Variants in FAM13A observed in about 807,000 individuals in gnomAD.
FAM13A encodes protein FAM13A.
Under a neutral mutation model 129.6 loss-of-function variants are expected in FAM13A, and 76 were observed. The ratio of observed to expected loss-of-function variants is 0.59; its 90% CI spans 0.49 to 0.71. The LOEUF (loss-of-function observed/expected upper bound fraction) is 0.71. Among genes scored for constraint, FAM13A ranks in the 30% least tolerant of loss-of-function variants. The probability of loss-of-function intolerance (pLI) is 0.00; values close to 1 mark genes in which losing one functional copy is unlikely to be tolerated. For missense variants in FAM13A, 1,108 were observed against 1,249.3 expected (o/e 0.89, Z 1.70); for synonymous variants, 443 against 449.9 (o/e 0.98, Z 0.20).
At chr4:88,795,138 C>T (rs1329809245) in intron 8 of FAM13A, among the ~76,000 whole-genome samples, 1 of 151,760 alleles carries the variant, frequency 6.6e-6, no homozygotes, top group Non-Finnish European at 1.5e-5. Flanking sequence ...CCTTTTGCAT[C>T]ATTACAGACA....
intron 2 of FAM13A, among the ~76,000 whole-genome samples, chr4:89,025,305 C>T (rs1002646993): frequency 9.0e-5 from 12 of 132,924 alleles, no homozygotes; most frequent in Admixed American, 2.5e-4. Flanking sequence ...TCGCCCAGGC[C>T]GGACTGCGGA....
chr4:88,884,677 C>T (rs904801251), intron 6 of FAM13A, among the ~76,000 whole-genome samples: 2 of 151,954 alleles, frequency 1.3e-5, no homozygotes, highest in South Asian at 2.1e-4. Context: ...AGAAAGAAAG[C>T]GGAACCAAAC....
intron 6 of FAM13A, among the ~76,000 whole-genome samples, chr4:88,905,203 CT>C (rs1747947603): frequency 6.6e-6 from 1 of 151,986 alleles, no homozygotes; most frequent in Non-Finnish European, 1.5e-5. Context: ...CTTGTCGCAG[CT>C]CGCTGCGACC....
intron 7 of FAM13A, chr4:88,822,860 G>A (rs1732284459): frequency 4.2e-6 from 6 of 1,436,372 alleles, no homozygotes; most frequent in Non-Finnish European, 5.6e-6. Flanking sequence ...TATGTACAAC[G>A]GACTCTACAC....
chr4:88,858,016 T>C (rs1414109856), intron 6 of FAM13A, among the ~76,000 whole-genome samples: 1 of 152,268 alleles, frequency 6.6e-6, no homozygotes, highest in Non-Finnish European at 1.5e-5. Context: ...TTCATTTATA[T>C]TCAATTTCAA....
intron 11 of FAM13A, chr4:88,768,303 G>A (rs1746095466): frequency 3.1e-6 from 1 of 321,426 alleles, no homozygotes; most frequent in South Asian, 6.6e-5. Flanking sequence ...CACAGAAATG[G>A]CCATTGTGCC....
At chr4:88,792,670 G>A (rs1024947075) in intron 8 of FAM13A, among the ~76,000 whole-genome samples, 4 of 151,924 alleles carry the variant, frequency 2.6e-5, no homozygotes, top group Admixed American at 6.6e-5. Context: ...GTAATGACTC[G>A]GGGAAAACCC....
intron 8 of FAM13A, among the ~76,000 whole-genome samples, chr4:88,802,337 C>T (rs777871449): frequency 9.9e-5 from 15 of 152,146 alleles, no homozygotes; most frequent in South Asian, 2.1e-4. Context: ...AATTAACTTG[C>T]TACATGGAAT....
chr4:88,920,006 G>A (rs1044053716), intron 5 of FAM13A, among the ~76,000 whole-genome samples: 5 of 152,212 alleles, frequency 3.3e-5, no homozygotes, highest in African/African-American at 7.2e-5. Context: ...ATGGGCGCCT[G>A]CCATTGCCCA....
At chr4:88,803,876 A>G (rs1041119567) in intron 8 of FAM13A, among the ~76,000 whole-genome samples, 1 of 152,346 alleles carries the variant, frequency 6.6e-6, no homozygotes, top group East Asian at 1.9e-4. Flanking sequence ...GCCTAAATCC[A>G]TTCTGGGACT....
intron 7 of FAM13A, among the ~76,000 whole-genome samples, chr4:88,822,198 G>C (rs570131887): frequency 6.6e-6 from 1 of 152,210 alleles, no homozygotes; most frequent in Admixed American, 6.5e-5. Flanking sequence ...ATTAGCAAAG[G>C]TAATGTTTAA....
chr4:88,774,119 T>C (rs968376232), intron 11 of FAM13A, among the ~76,000 whole-genome samples: 2 of 152,134 alleles, frequency 1.3e-5, no homozygotes, highest in Non-Finnish European at 2.9e-5. Context: ...GGATTTTCTG[T>C]CTCCAGATAT....
chr4:88,937,092 C>T (rs1395032982), intron 5 of FAM13A: 1 of 152,100 alleles, frequency 6.6e-6, no homozygotes, highest in East Asian at 1.9e-4. Context: ...CTCAGATTTA[C>T]AACTGATAGT....
rs905930670 is a variant in FAM13A, at chr4:88,999,669, C to T, written c.428-8519G>A. 2.6e-5 allele frequency among the ~76,000 whole-genome samples: 4 copies of T among 152,234 alleles called. No individual in the cohort carries two copies. In the South Asian group the frequency reaches 8.3e-4, roughly 32 times the overall value. On this transcript the variant is annotated intron_variant, in intron 3 of 23. Transcript: ENST00000264344. ...TGGATTTGGTGCCATATGAGTTAAACCAAGCCCAGAGTTACTTAAGCCTAT... is the reference window on the plus strand; with the variant it reads ...TGGATTTGGTGCCATATGAGTTAAATCAAGCCCAGAGTTACTTAAGCCTAT...
At chr4:88,823,592 C>T (rs1167252689) in intron 7 of FAM13A, among the ~76,000 whole-genome samples, 1 of 152,218 alleles carries the variant, frequency 6.6e-6, no homozygotes, top group Non-Finnish European at 1.5e-5. Context: ...ACACTGCCCA[C>T]GAAACTAAAG....
chr4:88,772,055 A>T (rs1161694705), intron 11 of FAM13A, among the ~76,000 whole-genome samples: 1 of 152,206 alleles, frequency 6.6e-6, no homozygotes, highest in Non-Finnish European at 1.5e-5. Flanking sequence ...AAACCCTTGG[A>T]ACAAAAACAA....
At chr4:88,948,493 C>CTT (rs112503453) in intron 4 of FAM13A, among the ~76,000 whole-genome samples, 7 of 144,094 alleles carry the variant, frequency 4.9e-5, no homozygotes, top group African/African-American at 1.3e-4. Flanking sequence ...TGGCCTGTAT[C>CTT]TTTTTTTTTT....
At position 88,775,779 on chromosome 4, in the gene FAM13A, G is replaced by A. The variant is rs546104343; in HGVS notation, c.1458+5386C>T. Among the ~76,000 whole-genome samples, 4 of 152,230 alleles carry A rather than the reference G, an allele frequency of 2.6e-5. No homozygotes were observed. In the East Asian group the frequency reaches 5.8e-4, roughly 22 times the overall value. On this transcript the variant is annotated intron_variant, in intron 11 of 23. Coordinates refer to ENST00000264344, the MANE Select transcript of FAM13A (RefSeq NM_014883.4). ...GTGTGATGGTAAAATGAAGAAAAGA[G>A]ATTGGCCATCAGAGCAGAGGGAGCA...
At chr4:88,731,902 G>C (rs1737903408) in intron 22 of FAM13A, 100 bp downstream of exon 22, 1 of 997,424 alleles carries the variant, frequency 1.0e-6, no homozygotes, top group Non-Finnish European at 1.4e-6. Context: ...GTAGTCACTT[G>C]TATTTTATCA....
Sources: gnomAD v4.1 joint callset for allele counts (sites outside exome capture counted in the v4.1 genomes callset) on GRCh38, gnomAD v4.1.1 for gene constraint, MANE v1.5 for transcripts, NCBI Gene and HGNC (gene_info 2026-07-23, HGNC 2026-07-21) for gene names.